Variants in COA1 observed in about 807,000 individuals in gnomAD.
COA1 encodes the protein cytochrome c oxidase assembly factor 1 homolog.
COA1 carries 13 observed loss-of-function variants against 16.0 expected under a neutral mutation model. The observed-to-expected ratio is 0.81, with a 90% CI of 0.53 to 1.29. The LOEUF is 1.29. Ranked by LOEUF, COA1 falls within the 50% of genes most tolerant of loss-of-function variation. The probability of loss-of-function intolerance (pLI) is 0.00; values close to 1 mark genes in which losing one functional copy is unlikely to be tolerated. For synonymous variants in COA1, 65 were observed against 65.7 expected, an observed-to-expected ratio of 0.99 and a Z score of 0.05; for missense variants, 179 against 177.0, an observed-to-expected ratio of 1.01 and a Z score of -0.06.
rs1374820845 is a variant in COA1, at chr7:43,688,645, T to C, written c.-38-39993A>G. Among the ~76,000 whole-genome samples the C allele has an allele frequency of 2.6e-5, 4 of 151,920 alleles. No individual in the cohort carries two copies. In the South Asian group the frequency reaches 6.2e-4, roughly 24 times the overall value. On this transcript the variant is annotated intron_variant, in intron 1 of 5. Transcript: ENST00000223336. Reference sequence around the variant, plus strand: ...TGAATGTATCCTCATAAAAAAAAAATAGTCCAGATATAGTCAGTCCAGTGT... The same window carrying C: ...TGAATGTATCCTCATAAAAAAAAAACAGTCCAGATATAGTCAGTCCAGTGT...
chr7:43,621,864 G>A (rs530082582), intron 6 of COA1, among the ~76,000 whole-genome samples: 8 of 107,306 alleles, frequency 7.5e-5, no homozygotes, highest in Non-Finnish European at 1.4e-4. Flanking sequence ...TTTTCCTTCC[G>A]TGACTCACCT....
chr7:43,691,421 A>AGGAGGGAAGGAAG (rs1554542662), intron 1 of COA1, among the ~76,000 whole-genome samples: 2 of 87,460 alleles, frequency 2.3e-5, no homozygotes, highest in African/African-American at 4.8e-5. Context: ...GGAAGAAAGA[A>AGGAGGGAAGGAAG]AAAGAAAGAA....
intron 6 of COA1, chr7:43,624,729 C>A (rs1414877274): frequency 1.2e-6 from 2 of 1,613,868 alleles, no homozygotes; most frequent in African/African-American, 2.7e-5. Flanking sequence ...TTCATATACT[C>A]TAGGACAATG....
intron 6 of COA1, among the ~76,000 whole-genome samples, chr7:43,618,790 T>C (rs1317853674): frequency 6.6e-6 from 1 of 152,160 alleles, no homozygotes. Context: ...CCCATTACTG[T>C]ACATGTCCTC....
intron 1 of COA1, among the ~76,000 whole-genome samples, chr7:43,671,389 C>G (rs2093252638): frequency 6.6e-6 from 1 of 150,660 alleles, no homozygotes; most frequent in Non-Finnish European, 1.5e-5. Context: ...GGACTTGTAT[C>G]TAGAATACAT....
chr7:43,727,813 T>C (rs1258554750), intron 1 of COA1, among the ~76,000 whole-genome samples: 1 of 152,206 alleles, frequency 6.6e-6, no homozygotes, highest in Non-Finnish European at 1.5e-5. Flanking sequence ...GAATGCAGCA[T>C]ATTAAACATG....
intron 6 of COA1, chr7:43,623,479 T>G (rs2084134640): frequency 9.6e-7 from 1 of 1,044,662 alleles, no homozygotes; most frequent in African/African-American, 1.6e-5. Context: ...GGATAGTGCC[T>G]TATAGTTTCT....
chr7:43,683,156 C>G (rs1423946640), intron 1 of COA1, among the ~76,000 whole-genome samples: 1 of 152,092 alleles, frequency 6.6e-6, no homozygotes, highest in African/African-American at 2.4e-5. Flanking sequence ...CCATGCCCAG[C>G]CACCAACTGA....
chr7:43,676,822 A>T (rs2093546950), intron 1 of COA1, among the ~76,000 whole-genome samples: 1 of 152,188 alleles, frequency 6.6e-6, no homozygotes, highest in Admixed American at 6.5e-5. Flanking sequence ...ACTTCAGAAC[A>T]CATCCAAAGT....
At chr7:43,717,382 T>A (rs1046068530) in intron 1 of COA1, among the ~76,000 whole-genome samples, 4 of 152,208 alleles carry the variant, frequency 2.6e-5, no homozygotes, top group African/African-American at 9.6e-5. Context: ...GGAGATCATT[T>A]TGGAGCTTTA....
At chr7:43,615,246 G>A (rs538187982) in intron 6 of COA1, among the ~76,000 whole-genome samples, 3 of 152,252 alleles carry the variant, frequency 2.0e-5, no homozygotes, top group Non-Finnish European at 2.9e-5. Flanking sequence ...CACTATCTCG[G>A]CTCACTGCAA....
At chr7:43,719,622 G>A (rs561188184) in intron 1 of COA1, among the ~76,000 whole-genome samples, 4 of 152,268 alleles carry the variant, frequency 2.6e-5, no homozygotes, top group African/African-American at 9.6e-5. Context: ...CACCGAATCT[G>A]TACTCAGGTG....
chr7:43,668,937 A>T (rs1472196093), intron 1 of COA1, among the ~76,000 whole-genome samples: 1 of 152,222 alleles, frequency 6.6e-6, no homozygotes, highest in Non-Finnish European at 1.5e-5. Flanking sequence ...AATATTGGAC[A>T]GAGAACTTAT....
At chr7:43,644,759 T>TAGGCAGGC (rs141430575) in intron 4 of COA1, among the ~76,000 whole-genome samples, 2 of 114,686 alleles carry the variant, frequency 1.7e-5, no homozygotes, top group East Asian at 2.3e-4. Context: ...GATAGATAGA[T>TAGGCAGGC]AGGCAGGCAG....
chr7:43,707,314 G>C (rs531132648), intron 1 of COA1, among the ~76,000 whole-genome samples: 1 of 152,332 alleles, frequency 6.6e-6, no homozygotes, highest in Admixed American at 6.5e-5. Flanking sequence ...AGATGGAGGA[G>C]GAGGAAGATC....
intron 1 of COA1, chr7:43,659,176 A>G (rs1273512360): frequency 6.6e-6 from 1 of 152,240 alleles, no homozygotes; most frequent in Non-Finnish European, 1.5e-5. Context: ...TGAGATATGA[A>G]GCAGAATTAA....
chr7:43,654,579 T>C (rs1287955662), intron 1 of COA1, among the ~76,000 whole-genome samples: 2 of 146,464 alleles, frequency 1.4e-5, no homozygotes, highest in East Asian at 1.9e-4. Context: ...CAGGAAGTTA[T>C]TGAAAAAAAA....
chr7:43,644,817 G>GAGAGAGAGACAGAGAGAGAC (rs2088709809), intron 4 of COA1, among the ~76,000 whole-genome samples: 2 of 126,614 alleles, frequency 1.6e-5, no homozygotes, highest in South Asian at 2.4e-4. Flanking sequence ...GAGAGAGAGA[G>GAGAGAGAGACAGAGAGAGAC]AGAGAGAGAG....
chr7:43,690,305 A>G (rs1050557197), intron 1 of COA1, among the ~76,000 whole-genome samples: 1 of 152,210 alleles, frequency 6.6e-6, no homozygotes, highest in Non-Finnish European at 1.5e-5. Flanking sequence ...GCACAAACAT[A>G]GTTTATATTA....
Sources: allele counts gnomAD v4.1 joint callset (sites outside exome capture counted in the v4.1 genomes callset), GRCh38; gene constraint gnomAD v4.1.1; transcripts MANE v1.5; gene names NCBI Gene and HGNC (gene_info 2026-07-23, HGNC 2026-07-21).